The following GPBP1 variants were observed in gnomAD, a reference collection of about 807,000 sequenced individuals.
GPBP1 encodes GC-rich promoter binding protein 1.
A neutral mutation model predicts 56.5 loss-of-function variants in GPBP1; 13 were observed. The ratio of observed to expected loss-of-function variants is 0.23; its 90% CI spans 0.15 to 0.37. The LOEUF (loss-of-function observed/expected upper bound fraction) is 0.37. Ranked by LOEUF, GPBP1 falls within the 10% of genes least tolerant of loss-of-function variation. The probability of loss-of-function intolerance (pLI) is 1.00; values close to 1 mark genes in which losing one functional copy is unlikely to be tolerated. For missense variants in GPBP1, 477 were observed against 572.3 expected (o/e 0.83, Z 1.70); for synonymous variants, 204 against 188.9 (o/e 1.08, Z -0.66).
At chr5:57,181,280 A>G (rs976036078) in intron 2 of GPBP1, among the ~76,000 whole-genome samples, 9 of 152,148 alleles carry the variant, frequency 5.9e-5, no homozygotes, top group African/African-American at 1.2e-4. Flanking sequence ...GATGGCAGTG[A>G]GCGGTGATTG....
At chr5:57,198,709 C>T (rs955270413) in intron 2 of GPBP1, among the ~76,000 whole-genome samples, 14 of 152,016 alleles carry the variant, frequency 9.2e-5, no homozygotes, top group Non-Finnish European at 2.1e-4. Flanking sequence ...ATTAGCCGAG[C>T]ATGGTGGCGC....
chr5:57,187,021 TG>T (rs1754320162), intron 2 of GPBP1, among the ~76,000 whole-genome samples: 1 of 150,800 alleles, frequency 6.6e-6, no homozygotes, highest in Non-Finnish European at 1.5e-5. Context: ...TGTGTGTGTG[TG>T]TGTGTGTGTG....
chr5:57,221,502 G>A, intron 3 of GPBP1: 1 of 704,840 alleles, frequency 1.4e-6, no homozygotes, highest in South Asian at 1.8e-5. Flanking sequence ...CTGTAAACAG[G>A]ATGCTGTATC....
In GPBP1 at chr5:57,219,421, A is replaced by AAC. The variant is rs3080776; in HGVS notation, c.63+5229_63+5230insCA. On this transcript the variant is annotated intron_variant, in intron 3 of 11. Coordinates refer to ENST00000506184, the MANE Select transcript of GPBP1 (RefSeq NM_022913.4). ...AAAAAAAACCAAAAACAAACAAACA[A>AAC]AAAAAAAAACAACAAAACCACACAC... 1.1e-3 allele frequency among the ~76,000 whole-genome samples: 163 copies of AAC among 145,304 alleles called. 19 individuals are homozygous for AAC. Among genetic ancestry groups the AAC allele is most frequent in the Admixed American group, 8.5e-3 (123 of 14,506 alleles).
intron 2 of GPBP1, among the ~76,000 whole-genome samples, chr5:57,191,913 C>CATTT (rs889300848): frequency 5.9e-5 from 9 of 152,154 alleles, no homozygotes; most frequent in African/African-American, 1.7e-4. Context: ...TAAGACTTAT[C>CATTT]ATTTTTCAGA....
chr5:57,239,478 A>G (rs757887851), intron 6 of GPBP1, among the ~76,000 whole-genome samples: 1 of 152,222 alleles, frequency 6.6e-6, no homozygotes, highest in Non-Finnish European at 1.5e-5. Flanking sequence ...ATTTGTTAAT[A>G]AAATAAAGAC....
chr5:57,252,577 T>C (rs908815500), intron 10 of GPBP1, among the ~76,000 whole-genome samples: 5 of 152,112 alleles, frequency 3.3e-5, no homozygotes, highest in Non-Finnish European at 4.4e-5. Flanking sequence ...TTTTTTGTAG[T>C]GATGAGGGTT....
At chr5:57,176,437 T>G (rs1753789100) in intron 2 of GPBP1, 37 bp downstream of exon 2, 1 of 156,064 alleles carries the variant, frequency 6.4e-6, no homozygotes, top group Non-Finnish European at 1.4e-5. Flanking sequence ...AAATGTTCAT[T>G]TGTAAACTGT....
At chr5:57,250,586 A>G (rs1170797361) in intron 9 of GPBP1, among the ~76,000 whole-genome samples, 1 of 137,016 alleles carries the variant, frequency 7.3e-6, no homozygotes, top group Non-Finnish European at 1.5e-5. Context: ...TCTTGTCTGG[A>G]GTATAGTGTA....
At chr5:57,247,348 T>C in intron 8 of GPBP1, 133 bp downstream of exon 8, 1 of 757,566 alleles carries the variant, frequency 1.3e-6, no homozygotes, top group Non-Finnish European at 2.0e-6. Context: ...TGGATTCATT[T>C]ACTTCATTTG....
chr5:57,182,478 T>C (rs1754096938), intron 2 of GPBP1, among the ~76,000 whole-genome samples: 1 of 151,994 alleles, frequency 6.6e-6, no homozygotes, highest in Admixed American at 6.6e-5. Flanking sequence ...GTTCAAGTGA[T>C]TCTCCTGCCT....
At chr5:57,217,776 G>A (rs1755762927) in intron 3 of GPBP1, among the ~76,000 whole-genome samples, 2 of 152,152 alleles carry the variant, frequency 1.3e-5, no homozygotes, top group African/African-American at 4.8e-5. Context: ...CCAGTACTAT[G>A]GGAGGCTGAG....
rs1032543074 is a variant in GPBP1 at position 57,175,924 on chromosome 5, G to C, written c.-534G>C. The C allele has an allele frequency of 5.0e-6, 2 of 398,364 alleles. No individual in the cohort carries two copies. The highest frequency in any genetic ancestry group is 4.1e-5 in the African/African-American group (2 of 48,628). 24.7% of individuals were successfully genotyped at this position (398,364 alleles called of 1,614,324 possible). ...ATGGGACACTTTTTCTGAATGAAGA[G>C]ATTGAAAGAATACAGAGTTTTTTTC... On this transcript the variant is annotated 5_prime_UTR_variant, in exon 2 of 12. Transcript: ENST00000506184.
At chr5:57,237,267 TAGGA>T in intron 6 of GPBP1, 1 of 859,434 alleles carries the variant, frequency 1.2e-6, no homozygotes, top group Non-Finnish European at 1.9e-6. Flanking sequence ...TCTAAGAAAT[TAGGA>T]ATAATTTGGA....
rs75655258 is a variant in GPBP1, at chr5:57,226,202, A to G, written c.64-4644A>G. Reference sequence around the variant, plus strand: ...GTAATTGTTAATGAAAGACACCAACAGTCAGGTCGGTTTAAATTCCTGTTA... The same window carrying G: ...GTAATTGTTAATGAAAGACACCAACGGTCAGGTCGGTTTAAATTCCTGTTA... On this transcript the variant is annotated intron_variant, in intron 3 of 11. Transcript: ENST00000506184. Among the ~76,000 whole-genome samples, 228 of 152,338 alleles carry G rather than the reference A, an allele frequency of 1.5e-3. 4 individuals are homozygous for G. In the East Asian group the frequency reaches 0.032, roughly 22 times the overall value.
intron 3 of GPBP1, among the ~76,000 whole-genome samples, chr5:57,227,034 C>T (rs967485476): frequency 1.1e-4 from 16 of 151,522 alleles, no homozygotes; most frequent in East Asian, 9.8e-4. Flanking sequence ...CCACCGTGCC[C>T]GGCCTGTATT....
At chr5:57,217,061 TTTTTAA>T (rs1207136430) in intron 3 of GPBP1, among the ~76,000 whole-genome samples, 1 of 152,220 alleles carries the variant, frequency 6.6e-6, no homozygotes, top group Non-Finnish European at 1.5e-5. Flanking sequence ...AAATTGTCTA[TTTTTAA>T]GATGTGCTAA....
intron 2 of GPBP1, among the ~76,000 whole-genome samples, chr5:57,201,733 T>G (rs1457789485): frequency 6.6e-6 from 1 of 152,354 alleles, no homozygotes; most frequent in East Asian, 1.9e-4. Flanking sequence ...TTTCATTAAC[T>G]TGTTAAACAG....
intron 3 of GPBP1, among the ~76,000 whole-genome samples, chr5:57,223,689 G>C (rs1756051020): frequency 6.6e-6 from 1 of 151,578 alleles, no homozygotes; most frequent in African/African-American, 2.4e-5. Flanking sequence ...CTAAAGAAAT[G>C]TCTTCATAGT....
Sources: allele counts gnomAD v4.1 joint callset (sites outside exome capture counted in the v4.1 genomes callset), GRCh38; gene constraint gnomAD v4.1.1; transcripts MANE v1.5; gene names NCBI Gene and HGNC (gene_info 2026-07-23, HGNC 2026-07-21).